TRAK2: variants seen among roughly 807,000 people sequenced by gnomAD.
The protein encoded by TRAK2 is trafficking kinesin protein 2, also known as trafficking kinesin-binding protein 2.
In TRAK2, 81 loss-of-function variants were observed where a neutral mutation model predicts 104.6. That is an observed-to-expected ratio of 0.77 (90% CI 0.65 to 0.93). The LOEUF is 0.93. Among genes scored for constraint, TRAK2 ranks in the 40% least tolerant of loss-of-function variants. The pLI is 0.00. For synonymous variants in TRAK2, 406 were observed against 394.4 expected (o/e 1.03, Z -0.35); for missense variants, 1,002 against 1,089.0 (o/e 0.92, Z 1.12).
intron 9 of TRAK2, among the ~76,000 whole-genome samples, chr2:201,394,343 C>CTTTTTTTTTTTTTTTTT (rs369969654): frequency 7.9e-6 from 1 of 126,590 alleles, no homozygotes. Flanking sequence ...TATTCTTTTT[C>CTTTTTTTTTTTTTTTTT]TTTCTTTTTT....
chr2:201,407,748 C>G, intron 2 of TRAK2, 151 bp from the exon 3 acceptor site: 1 of 515,390 alleles, frequency 1.9e-6, no homozygotes, highest in Non-Finnish European at 2.9e-6. Flanking sequence ...TTAGTATATC[C>G]TAGTAGTATA....
At chr2:201,415,707 G>A (rs1951686114) in intron 2 of TRAK2, among the ~76,000 whole-genome samples, 1 of 152,072 alleles carries the variant, frequency 6.6e-6, no homozygotes, top group Non-Finnish European at 1.5e-5. Context: ...ATTGGGGGGA[G>A]AAAACTGAAC....
chr2:201,388,118 T>C (rs762418568), intron 12 of TRAK2, 117 bp from the exon 13 acceptor site: 7 of 1,093,648 alleles, frequency 6.4e-6, no homozygotes, highest in South Asian at 5.2e-5. Flanking sequence ...GATATTTTCC[T>C]AGATACCTGG....
At chr2:201,415,842 C>T (rs1027626074) in intron 2 of TRAK2, among the ~76,000 whole-genome samples, 1 of 151,916 alleles carries the variant, frequency 6.6e-6, no homozygotes, top group Non-Finnish European at 1.5e-5. Context: ...TACAGTAAGT[C>T]TATAGTTCAA....
intron 2 of TRAK2, 134 bp from the exon 3 acceptor site, chr2:201,407,731 A>G: frequency 1.4e-6 from 1 of 724,168 alleles, no homozygotes; most frequent in Non-Finnish European, 2.1e-6. Flanking sequence ...TTCTCCACTG[A>G]TTTTTATTAG....
intron 7 of TRAK2, 100 bp downstream of exon 7, chr2:201,397,402 G>T: frequency 2.8e-6 from 2 of 717,336 alleles, no homozygotes; most frequent in South Asian, 2.2e-5. Flanking sequence ...ATTGTTTCTT[G>T]AGATGCTTCT....
At chr2:201,413,430 A>T in intron 2 of TRAK2, 1 of 418,138 alleles carries the variant, frequency 2.4e-6, no homozygotes, top group Non-Finnish European at 4.3e-6. Flanking sequence ...CACACGTGGC[A>T]GCTGGAGGAG....
chr2:201,416,729 T>C (rs372056526), intron 2 of TRAK2, among the ~76,000 whole-genome samples: 29 of 152,144 alleles, frequency 1.9e-4, no homozygotes, highest in African/African-American at 6.5e-4. Flanking sequence ...TTTAAGAGTG[T>C]CACTTTATTA....
chr2:201,396,168 T>C (rs142987194), intron 7 of TRAK2, among the ~76,000 whole-genome samples: 11 of 152,272 alleles, frequency 7.2e-5, no homozygotes, highest in Middle Eastern at 6.8e-3. Flanking sequence ...TATTTTAAAA[T>C]TGACAGATAG....
At chr2:201,401,170 A>C in intron 3 of TRAK2, 76 bp from the exon 4 acceptor site, 2 of 978,750 alleles carry the variant, frequency 2.0e-6, no homozygotes, top group Non-Finnish European at 1.5e-6. Flanking sequence ...GAATTGAGAG[A>C]TAACAACAAC....
chr2:201,402,114 A>C (rs1434470447), intron 3 of TRAK2, among the ~76,000 whole-genome samples: 2 of 152,108 alleles, frequency 1.3e-5, no homozygotes, highest in Non-Finnish European at 2.9e-5. Context: ...CAAACATGAT[A>C]ATCTACTAAG....
chr2:201,392,972 A>T lies in TRAK2; in HGVS notation c.1050T>A (p.Leu350=), dbSNP rs767074612. 6.2e-7 allele frequency: 1 copy of T among 1,613,786 alleles called. No individual in the cohort carries two copies. The highest frequency in any genetic ancestry group is 8.5e-7 in the Non-Finnish European group (1 of 1,179,824). The change falls in exon 10 of 16, where the codon CTT becomes CTA. Residue 350 remains leucine, a synonymous_variant. Coordinates refer to ENST00000332624, the MANE Select transcript of TRAK2 (RefSeq NM_015049.3). Reference sequence around the variant, plus strand: ...GAGCAGTAGGGCCAGATCTACTACGAAGTTCCTTTATTTCTTCTTGGGATT... The same window carrying T: ...GAGCAGTAGGGCCAGATCTACTACGTAGTTCCTTTATTTCTTCTTGGGATT... The part of the protein sequence containing the change: ...LHESQEEIKE[L]RSRSGPTAHL...
In TRAK2 at chr2:201,379,216, T is replaced by A. The variant is rs1420396059; in HGVS notation, c.*1327A>T. 6.6e-6 allele frequency: 1 copy of A among 152,142 alleles called. No individual in the cohort carries two copies. The highest frequency in any genetic ancestry group is 1.5e-5 in the Non-Finnish European group (1 of 68,012). The allele number at this position is 152,142 out of a possible 1,614,324, so 9.4% of individuals were successfully genotyped here. A position where few individuals can be genotyped will look rare whatever the true frequency, so the allele number is the denominator to read the frequency against. On this transcript the variant is annotated 3_prime_UTR_variant, in exon 16 of 16. Transcript: ENST00000332624. ...CTCAGCAACATTGAGAAAAAACAGA[T>A]CTACTTCTTTCCATTTCTTAGCCTG...
chr2:201,450,690 T>C (rs1952022834), intron 1 of TRAK2, among the ~76,000 whole-genome samples: 1 of 145,810 alleles, frequency 6.9e-6, no homozygotes, highest in Non-Finnish European at 1.5e-5. Flanking sequence ...GAAGTTACCT[T>C]TTTTTTTTTT....
At chr2:201,399,009 CTTTG>C (rs1428839276) in intron 5 of TRAK2, among the ~76,000 whole-genome samples, 1 of 151,902 alleles carries the variant, frequency 6.6e-6, no homozygotes, top group African/African-American at 2.4e-5. Context: ...TACTTTCTTC[CTTTG>C]TTTGGTTTTT....
intron 5 of TRAK2, 142 bp downstream of exon 5, chr2:201,399,235 T>G (rs978907364): frequency 3.6e-6 from 2 of 563,250 alleles, no homozygotes; most frequent in Non-Finnish European, 6.4e-6. Flanking sequence ...CTCTACTGAT[T>G]AGTTTAATGG....
Position 201,447,782 on chromosome 2 carries a change from T to A in TRAK2, c.-200+3568A>T, listed in dbSNP as rs1204080322. Among the ~76,000 whole-genome samples, 1 of 152,176 alleles carries A rather than the reference T, an allele frequency of 6.6e-6. No homozygotes were observed. Among genetic ancestry groups the A allele is most frequent in the Non-Finnish European group, 1.5e-5 (1 of 68,026 alleles). Reference sequence around the variant, plus strand: ...TTTTGGGAGGACACAATTCAGCCCATAACAACCCCTTCCCCTTTTCTCTGC... The same window carrying A: ...TTTTGGGAGGACACAATTCAGCCCAAAACAACCCCTTCCCCTTTTCTCTGC... On this transcript the variant is annotated intron_variant, in intron 1 of 15. Coordinates refer to ENST00000332624, the MANE Select transcript of TRAK2 (RefSeq NM_015049.3). The surrounding 1 kb of genome is among the most constrained non-coding windows in gnomAD (Gnocchi z 4.1).
intron 6 of TRAK2, chr2:201,397,922 A>G: frequency 5.2e-6 from 3 of 574,566 alleles, no homozygotes; most frequent in Non-Finnish European, 9.3e-6. Flanking sequence ...TACATTTTCT[A>G]TCCTGTGACT....
intron 1 of TRAK2, among the ~76,000 whole-genome samples, chr2:201,423,072 C>G (rs1951757130): frequency 6.6e-6 from 1 of 150,704 alleles, no homozygotes; most frequent in Non-Finnish European, 1.5e-5. Context: ...CACACACACA[C>G]ACACACACAC....
Sources: gnomAD v4.1 joint callset for allele counts (sites outside exome capture counted in the v4.1 genomes callset) on GRCh38, gnomAD v4.1.1 for gene constraint, Gnocchi (gnomAD v3.1) non-coding constraint, MANE v1.5 for transcripts, NCBI Gene and HGNC (gene_info 2026-07-23, HGNC 2026-07-21) for gene names.